Variants in SEM1 observed in about 807,000 individuals in gnomAD.
The protein encoded by SEM1 is SEM1 26S proteasome subunit.
A neutral mutation model predicts 12.7 loss-of-function variants in SEM1; 3 were observed. That is an observed-to-expected ratio of 0.24 (90% confidence interval 0.11 to 0.61). The LOEUF is 0.61. Among genes scored for constraint, SEM1 ranks in the 20% least tolerant of loss-of-function variants. The pLI, the probability that SEM1 is intolerant of heterozygous loss-of-function variation, is 0.88. For missense variants in SEM1, 59 were observed against 81.3 expected (o/e 0.73, Z 1.06); for synonymous variants, 30 against 27.8 (o/e 1.08, Z -0.25).
upstream of SEM1, among the ~76,000 whole-genome samples, chr7:96,499,463 C>T (rs750735200): frequency 1.3e-5 from 2 of 152,148 alleles, no homozygotes; most frequent in Non-Finnish European, 2.9e-5. Context: ...GGCAGTTGGC[C>T]GAATGTGACT....
intron 2 of SEM1, among the ~76,000 whole-genome samples, chr7:96,511,289 T>G (rs1370125495): frequency 6.6e-6 from 1 of 152,136 alleles, no homozygotes; most frequent in Non-Finnish European, 1.5e-5. Context: ...TGCTGAGTAT[T>G]TAGGCACTGT....
chr7:96,486,513 T>A, intron 1 of SEM1: 2 of 970,514 alleles, frequency 2.1e-6, no homozygotes, highest in East Asian at 2.6e-5. Context: ...GTCTTCTCAT[T>A]ACTGGATTTT....
upstream of SEM1, among the ~76,000 whole-genome samples, chr7:96,498,151 A>G (rs1803364939): frequency 6.6e-6 from 1 of 152,218 alleles, no homozygotes; most frequent in Non-Finnish European, 1.5e-5. Context: ...GGATTAGAAA[A>G]GACAAATAAT....
intron 2 of SEM1, among the ~76,000 whole-genome samples, chr7:96,548,821 G>A (rs763479235): frequency 6.6e-6 from 1 of 152,098 alleles, no homozygotes; most frequent in Non-Finnish European, 1.5e-5. Flanking sequence ...CTGAACAAGT[G>A]AACAAATGAC....
intron 2 of SEM1, among the ~76,000 whole-genome samples, chr7:96,592,582 G>A (rs1406847703): frequency 6.6e-6 from 1 of 151,692 alleles, no homozygotes; most frequent in Non-Finnish European, 1.5e-5. Flanking sequence ...GCTGTCACGT[G>A]CTGTCTTCCG....
chr7:96,691,462 T>C (rs1315750239), intron 2 of SEM1, among the ~76,000 whole-genome samples: 1 of 152,200 alleles, frequency 6.6e-6, no homozygotes, highest in Non-Finnish European at 1.5e-5. Context: ...CCAAGGTTCA[T>C]ATGGCTAAAT....
chr7:96,498,029 G>C (rs1482795088), upstream of SEM1, among the ~76,000 whole-genome samples: 2 of 152,146 alleles, frequency 1.3e-5, no homozygotes, highest in Non-Finnish European at 2.9e-5. Flanking sequence ...AAAATTTAAT[G>C]AATTTTAAAC....
At chr7:96,673,618 G>T in exon 3 of SEM1, 1 of 634,476 alleles carries the variant, frequency 1.6e-6, no homozygotes, top group Non-Finnish European at 2.9e-6. Context: ...TGCCTGAAAT[G>T]CTGTAGCACC....
At chr7:96,649,015 A>G (rs894909582) in intron 2 of SEM1, among the ~76,000 whole-genome samples, 1 of 152,196 alleles carries the variant, frequency 6.6e-6, no homozygotes, top group African/African-American at 2.4e-5. Flanking sequence ...ACAGAGGTGG[A>G]GCCTCCCTGA....
chr7:96,654,038 A>T (rs1809092111), intron 2 of SEM1, among the ~76,000 whole-genome samples: 1 of 152,228 alleles, frequency 6.6e-6, no homozygotes, highest in Non-Finnish European at 1.5e-5. Flanking sequence ...CTGAACAGAG[A>T]AGAGTATGTT....
chr7:96,590,163 T>G (rs1159461792), intron 2 of SEM1, among the ~76,000 whole-genome samples: 1 of 152,108 alleles, frequency 6.6e-6, no homozygotes, highest in African/African-American at 2.4e-5. Context: ...TAGAAACACA[T>G]AAATATAAAT....
chr7:96,659,920 A>AAAAAC (rs1328617086), intron 2 of SEM1, among the ~76,000 whole-genome samples: 1 of 148,102 alleles, frequency 6.8e-6, no homozygotes, highest in African/African-American at 2.6e-5. Flanking sequence ...TGGCAAAAAA[A>AAAAAC]AAAAAAAAAA....
chr7:96,651,194 G>T (rs1270996767), intron 2 of SEM1, among the ~76,000 whole-genome samples: 1 of 152,116 alleles, frequency 6.6e-6, no homozygotes, highest in Non-Finnish European at 1.5e-5. Context: ...ATAAATTAGG[G>T]ATCAAGAGAG....
intron 2 of SEM1, among the ~76,000 whole-genome samples, chr7:96,555,616 G>T (rs919818218): frequency 5.6e-5 from 8 of 142,140 alleles, no homozygotes; most frequent in Admixed American, 7.3e-5. Context: ...CCAAGTATGT[G>T]GTCAATTTTG....
intron 2 of SEM1, among the ~76,000 whole-genome samples, chr7:96,578,961 T>C (rs1287131928): frequency 6.6e-6 from 1 of 152,186 alleles, no homozygotes; most frequent in African/African-American, 2.4e-5. Flanking sequence ...AAGTTCAACA[T>C]TTTGTTGAAC....
chr7:96,544,945 A>G (rs544539495), intron 2 of SEM1, among the ~76,000 whole-genome samples: 1 of 151,968 alleles, frequency 6.6e-6, no homozygotes, highest in Non-Finnish European at 1.5e-5. Context: ...AGAAAATTCA[A>G]GTTTAAGTAA....
intron 2 of SEM1, among the ~76,000 whole-genome samples, chr7:96,580,822 T>A (rs954085843): frequency 1.3e-5 from 2 of 152,158 alleles, no homozygotes; most frequent in African/African-American, 2.4e-5. Context: ...GGGTTGTTTG[T>A]TTTTTCTCAT....
chr7:96,632,291 C>T (rs2116341975), intron 2 of SEM1, among the ~76,000 whole-genome samples: 1 of 152,214 alleles, frequency 6.6e-6, no homozygotes, highest in Middle Eastern at 3.4e-3. Context: ...ATAGCAAAGA[C>T]TTGGAACCAA....
At chr7:96,620,235 C>G (rs528698123), downstream of SEM1, among the ~76,000 whole-genome samples, 1 of 151,912 alleles carries the variant, frequency 6.6e-6, no homozygotes, top group Non-Finnish European at 1.5e-5. Flanking sequence ...AGGCAAGATA[C>G]CAAGGGGAGT....
Sources: gnomAD v4.1 joint callset for allele counts (sites outside exome capture counted in the v4.1 genomes callset) on GRCh38, gnomAD v4.1.1 for gene constraint, MANE v1.5 for transcripts, NCBI Gene and HGNC (gene_info 2026-07-23, HGNC 2026-07-21) for gene names.